COL26A1: variants seen among roughly 807,000 people sequenced by gnomAD.
The protein encoded by COL26A1 is collagen alpha-1(XXVI) chain.
A neutral mutation model predicts 59.3 loss-of-function variants in COL26A1; 41 were observed. The ratio of observed to expected loss-of-function variants is 0.69; its 90% CI spans 0.54 to 0.90. The LOEUF is 0.90. Ranked by LOEUF, COL26A1 falls within the 40% of genes least tolerant of loss-of-function variation. COL26A1 has a pLI of 0.00. For synonymous variants in COL26A1, 266 were observed against 256.0 expected (o/e 1.04, Z -0.37); for missense variants, 612 against 602.3 (o/e 1.02, Z -0.17).
chr7:101,482,173 A>G (rs1260559954), intron 3 of COL26A1, among the ~76,000 whole-genome samples: 1 of 151,970 alleles, frequency 6.6e-6, no homozygotes, highest in Non-Finnish European at 1.5e-5. Context: ...TACCTAGCTA[A>G]TTTTTGTATT....
chr7:101,493,920 G>T (rs533488718), intron 3 of COL26A1, among the ~76,000 whole-genome samples: 1 of 142,756 alleles, frequency 7.0e-6, no homozygotes, highest in Non-Finnish European at 1.5e-5. Flanking sequence ...GCAACAGAGC[G>T]AGACTCTGTC....
At chr7:101,456,831 T>C (rs1405403458) in intron 3 of COL26A1, among the ~76,000 whole-genome samples, 1 of 152,180 alleles carries the variant, frequency 6.6e-6, no homozygotes, top group Non-Finnish European at 1.5e-5. Context: ...ATGTTAAATG[T>C]ACAATTTGAT....
At position 101,476,693 on chromosome 7, in the gene COL26A1, G is replaced by A. The variant is rs1333958566; in HGVS notation, c.385+28906G>A. ...CTCCCGAGTACCTGGGACTACAGGC[G>A]CCCGCCACCACACCCGGCTAATTTT... On this transcript the variant is annotated intron_variant, in intron 3 of 12. Transcript: ENST00000313669. 4.9e-5 allele frequency among the ~76,000 whole-genome samples: 7 copies of A among 144,056 alleles called. No homozygotes were observed. In the East Asian group the frequency reaches 8.7e-4, roughly 18 times the overall value. The allele number at this position is 144,056 out of a possible 152,430, so 94.5% of individuals were successfully genotyped here. A position where few individuals can be genotyped will look rare whatever the true frequency, so the allele number is the denominator to read the frequency against.
Position 101,427,660 on chromosome 7 carries a change from T to TAAAA in COL26A1, c.281+7572_281+7575dup, listed in dbSNP as rs35360228. Among the ~76,000 whole-genome samples the TAAAA allele has an allele frequency of 5.1e-3, 753 of 147,290 alleles. 8 individuals are homozygous for TAAAA. The highest frequency in any genetic ancestry group is 0.018 in the African/African-American group (716 of 39,960). ...TGGGTGACAGAGTGAAACTGTTTCT[T>TAAAA]AAAAAAAAAAAAAATTATTTTTTGT... On this transcript the variant is annotated intron_variant, in intron 2 of 12. Coordinates refer to ENST00000313669, the MANE Select transcript of COL26A1 (RefSeq NM_001278563.3).
At position 101,506,578 on chromosome 7, in the gene COL26A1, G is replaced by A. The variant is rs369975336; in HGVS notation, c.386-26504G>A. Among the ~76,000 whole-genome samples the A allele has an allele frequency of 3.4e-3, 514 of 152,252 alleles. 2 individuals carry two copies. Among genetic ancestry groups the A allele is most frequent in the Admixed American group, 5.2e-3 (79 of 15,294 alleles). ...GGCTGGTCTAGAAACTGGAGATCCC[G>A]GGTACCAGCCCTGAGCTCTGGGACA... On this transcript the variant is annotated intron_variant, in intron 3 of 12. Transcript: ENST00000313669.
chr7:101,449,482 A>G (rs1793277838), intron 3 of COL26A1, among the ~76,000 whole-genome samples: 2 of 152,176 alleles, frequency 1.3e-5, no homozygotes, highest in African/African-American at 2.4e-5. Flanking sequence ...AAAATCAGCA[A>G]TGTTAGCCGG....
At chr7:101,364,078 A>T (rs958817752) in intron 1 of COL26A1, among the ~76,000 whole-genome samples, 19 of 151,822 alleles carry the variant, frequency 1.3e-4, no homozygotes, top group African/African-American at 4.1e-4. Context: ...GGGCGCCGGG[A>T]CCCGCCAGGC....
At chr7:101,404,455 G>C (rs1328623629) in intron 1 of COL26A1, among the ~76,000 whole-genome samples, 1 of 152,146 alleles carries the variant, frequency 6.6e-6, no homozygotes. Flanking sequence ...ATGGCTTTGG[G>C]CAAATCTCAA....
rs1263247832 is a variant in COL26A1 at position 101,363,104 on chromosome 7, C to T, written c.72C>T (p.Leu24=). 1.9e-6 allele frequency: 3 copies of T among 1,557,334 alleles called. No homozygotes were observed. Among genetic ancestry groups the T allele is most frequent in the Non-Finnish European group, 2.6e-6 (3 of 1,160,424 alleles). ...GGTCGGCGCTGGCCACCGGCTTCCTCTATCCCTTCTCGGCCGCAGCTCTGC... is the reference window on the plus strand; with the variant it reads ...GGTCGGCGCTGGCCACCGGCTTCCTTTATCCCTTCTCGGCCGCAGCTCTGC... ...LCGSALATGF[L]YPFSAAALQQ... The change falls in exon 1 of 13, where the codon CTC becomes CTT. Residue 24 remains leucine, a synonymous_variant. Transcript: ENST00000313669.
intron 2 of COL26A1, among the ~76,000 whole-genome samples, chr7:101,435,658 G>C (rs1792897039): frequency 6.6e-6 from 1 of 152,008 alleles, no homozygotes; most frequent in Non-Finnish European, 1.5e-5. Flanking sequence ...CCCTCGGTTG[G>C]CTGCTGGCTG....
intron 7 of COL26A1, 96 bp from the exon 8 acceptor site, chr7:101,547,060 C>A: frequency 1.2e-6 from 1 of 812,074 alleles, no homozygotes; most frequent in Non-Finnish European, 2.0e-6. Flanking sequence ...CCCTGGGCTT[C>A]GTGTGGCCTG....
At chr7:101,510,322 G>A (rs1040963965) in intron 3 of COL26A1, among the ~76,000 whole-genome samples, 1 of 151,974 alleles carries the variant, frequency 6.6e-6, no homozygotes, top group Non-Finnish European at 1.5e-5. Context: ...CACTGCACCC[G>A]GCCTCTCAGA....
intron 3 of COL26A1, among the ~76,000 whole-genome samples, chr7:101,498,877 G>T (rs1056850538): frequency 1.3e-5 from 2 of 152,190 alleles, no homozygotes; most frequent in African/African-American, 2.4e-5. Context: ...CCCACCGCGC[G>T]CGGCACCCCT....
intron 3 of COL26A1, among the ~76,000 whole-genome samples, chr7:101,520,036 A>G (rs1795107500): frequency 6.6e-6 from 1 of 152,144 alleles, no homozygotes; most frequent in African/African-American, 2.4e-5. Context: ...AAATGGGGCA[A>G]TAATCCCCTG....
intron 3 of COL26A1, among the ~76,000 whole-genome samples, chr7:101,513,886 G>A (rs891879729): frequency 2.0e-5 from 3 of 152,150 alleles, no homozygotes; most frequent in African/African-American, 7.2e-5. Flanking sequence ...ACGGCAGAAA[G>A]AACTCCTATG....
chr7:101,544,773 C>G (rs556467541), intron 6 of COL26A1, among the ~76,000 whole-genome samples: 2 of 151,154 alleles, frequency 1.3e-5, no homozygotes, highest in Non-Finnish European at 3.0e-5. Flanking sequence ...CCTCAGGTGA[C>G]CTGCCTGCCT....
intron 1 of COL26A1, among the ~76,000 whole-genome samples, chr7:101,401,792 C>T (rs1584375722): frequency 6.6e-6 from 1 of 151,772 alleles, no homozygotes; most frequent in South Asian, 2.1e-4. Context: ...AGGAGGAAGA[C>T]CCTGGAGAGG....
chr7:101,455,068 A>C (rs1345991147), intron 3 of COL26A1, among the ~76,000 whole-genome samples: 1 of 142,268 alleles, frequency 7.0e-6, no homozygotes, highest in East Asian at 2.1e-4. Flanking sequence ...TTTGAGATAG[A>C]GTTCTGCTCT....
At chr7:101,425,696 T>C (rs2130298464) in intron 2 of COL26A1, among the ~76,000 whole-genome samples, 1 of 151,654 alleles carries the variant, frequency 6.6e-6, no homozygotes, top group African/African-American at 2.4e-5. Context: ...GGAAATGGGG[T>C]TTCACCATGT....
Sources: allele counts gnomAD v4.1 joint callset (sites outside exome capture counted in the v4.1 genomes callset), GRCh38; gene constraint gnomAD v4.1.1; transcripts MANE v1.5; gene names NCBI Gene and HGNC (gene_info 2026-07-23, HGNC 2026-07-21).